Variants in MUC5AC observed in about 807,000 individuals in gnomAD.
MUC5AC encodes the protein mucin 5AC, oligomeric mucus/gel-forming.
In MUC5AC, 158 loss-of-function variants were observed where a neutral mutation model predicts 169.7. The observed-to-expected ratio is 0.93, with a 90% confidence interval of 0.82 to 1.06. MUC5AC has a LOEUF of 1.06. MUC5AC is among the 50% of genes least tolerant of loss of function. The probability of loss-of-function intolerance (pLI) is 0.00; values close to 1 mark genes in which losing one functional copy is unlikely to be tolerated. For synonymous variants in MUC5AC, 1,975 were observed against 1,237.0 expected (o/e 1.60, Z -12.52); for missense variants, 4,359 against 3,089.9 (o/e 1.41, Z -9.74).
At chr11:1,177,671 G>C (rs1372049680) in intron 24 of MUC5AC, 38 bp downstream of exon 24, 3 of 398,338 alleles carry the variant, frequency 7.5e-6, no homozygotes, top group African/African-American at 6.2e-5. Context: ...GGGCCGGCTG[G>C]AAACCTGGAG....
chr11:1,191,941 C>G lies in MUC5AC; in HGVS notation c.13796C>G (p.Thr4599Ser). 1.3e-6 allele frequency: 1 copy of G among 765,286 alleles called. No individual in the cohort carries two copies. Among genetic ancestry groups the G allele is most frequent in the Non-Finnish European group, 2.4e-6 (1 of 417,916 alleles). 47.4% of individuals were successfully genotyped at this position (765,286 alleles called of 1,614,324 possible). A position where few individuals can be genotyped will look rare whatever the true frequency, so the allele number is the denominator to read the frequency against. The change falls in exon 31 of 49, where the codon ACC becomes AGC. Residue 4599 changes from threonine (T) to serine (S), a missense_variant. Coordinates refer to ENST00000621226, the MANE Select transcript of MUC5AC (RefSeq NM_001304359.2). ...ACTACTCCCAGCCCCGTTCCCACCACCAGCACAACCCCTGTTTCAAAGACC... is the reference window on the plus strand; with the variant it reads ...ACTACTCCCAGCCCCGTTCCCACCAGCAGCACAACCCCTGTTTCAAAGACC... ...PGTTPSPVPT[T>S]STTPVSKTST...
Position 1,194,579 on chromosome 11 carries a change from G to A in MUC5AC, c.15099G>A (p.Pro5033=), listed in dbSNP as rs376547461. Reference sequence around the variant, plus strand: ...GCGTCAAGATGTACGCGACCATCCCGGAGCTGGGAGTCCAGGTCATGTTCT... The same window carrying A: ...GCGTCAAGATGTACGCGACCATCCCAGAGCTGGGAGTCCAGGTCATGTTCT... ...RIGVKMYATI[P]ELGVQVMFSG... is the part of the protein sequence containing the mutation. Residue 5033 remains proline (P), a synonymous_variant, in exon 35 of 49, where the codon CCG becomes CCA. Coordinates refer to ENST00000621226, the MANE Select transcript of MUC5AC (RefSeq NM_001304359.2). 3.9e-5 allele frequency: 30 copies of A among 764,402 alleles called. No homozygotes were observed. The highest frequency in any genetic ancestry group is 4.5e-4 in the Middle Eastern group (2 of 4,462). The allele number at this position is 764,402 out of a possible 1,614,324, so 47.4% of individuals were successfully genotyped here. A position where few individuals can be genotyped will look rare whatever the true frequency, so the allele number is the denominator to read the frequency against.
rs1360217627 is a variant in MUC5AC, at chr11:1,164,417, C to T, written c.1014C>T (p.Cys338=). The part of the protein sequence containing the change: ...WRGPDFCPQK[C]PNNMQYHECR... ...CTCTGCCTCCCGCAGCCCAGAAGTG[C>T]CCCAACAACATGCAGTACCACGAGT... Residue 338 remains cysteine, a synonymous_variant, in exon 9 of 49, where the codon TGC becomes TGT. Transcript: ENST00000621226. 1.9e-6 allele frequency: 3 copies of T among 1,612,186 alleles called. No individual in the cohort carries two copies. The highest frequency in any genetic ancestry group is 1.7e-5 in the Admixed American group (1 of 59,950).
Position 1,190,591 on chromosome 11 carries a change from C to G in MUC5AC, c.12446C>G (p.Pro4149Arg). Residue 4149 changes from proline to arginine, a missense_variant, in exon 31 of 49, where the codon CCT becomes CGT. Transcript: ENST00000621226. Reference protein sequence around the residue: ...SAPTHRTTSGPTTSTTLAPTT... With the variant: ...SAPTHRTTSGRTTSTTLAPTT... ...CCTACACACAGAACGACTTCTGGTC[C>G]TACAACCAGCACAACCTTGGCTCCT... The G allele has an allele frequency of 1.4e-6, 1 of 694,492 alleles. No individual in the cohort carries two copies. Among genetic ancestry groups the G allele is most frequent in the Admixed American group, 2.0e-5 (1 of 49,648 alleles). The allele number at this position is 694,492 out of a possible 1,614,324, so 43.0% of individuals were successfully genotyped here. A position where few individuals can be genotyped will look rare whatever the true frequency, so the allele number is the denominator to read the frequency against.
rs747358938 is a variant in MUC5AC, at chr11:1,168,555, G to A, written c.1567+3G>A. 4.3e-6 allele frequency: 7 copies of A among 1,612,584 alleles called. No homozygotes were observed. Among genetic ancestry groups the A allele is most frequent in the Non-Finnish European group, 5.9e-6 (7 of 1,179,794 alleles). ...CACCCAGCTGCCCATCTCTGCAGGT[G>A]AGGGCAGTGGCTTCTTCCCCACCCC... On this transcript the variant is annotated splice_donor_region_variant and intron_variant, in intron 13 of 48. Transcript: ENST00000621226.
At chr11:1,165,808 GC>G in intron 11 of MUC5AC, 48 bp downstream of exon 11, 1 of 1,605,908 alleles carries the variant, frequency 6.2e-7, no homozygotes, top group East Asian at 2.2e-5. Flanking sequence ...GGGGCCCATG[GC>G]CAGCCTCCCA....
chr11:1,186,551 C>A lies in MUC5AC; in HGVS notation c.8406C>A (p.Thr2802=). The A allele has an allele frequency of 1.4e-6, 1 of 701,812 alleles. No individual in the cohort carries two copies. The highest frequency in any genetic ancestry group is 2.6e-6 in the Non-Finnish European group (1 of 384,444). 43.5% of individuals were successfully genotyped at this position (701,812 alleles called of 1,614,324 possible). Residue 2802 remains threonine, a synonymous_variant, in exon 31 of 49, where the codon ACC becomes ACA. Coordinates refer to ENST00000621226, the MANE Select transcript of MUC5AC (RefSeq NM_001304359.2). ...PTTSTTSTTI[T]STTSAPISST... is the part of the protein sequence containing the mutation. ...CCAGCACAACCTCTACTACTATAAC[C>A]AGCACAACTTCTGCCCCTATAAGCA...
rs1860990954 is a variant in MUC5AC, at chr11:1,187,807, A to C, written c.9662A>C (p.Asp3221Ala). ...KTTHSQPVTR[D>A]CHLRCTWTKW... ...ACCCACTCCCAACCAGTCACCAGAG[A>C]CTGTCATCTCCGGTGCACCTGGACC... Residue 3221 changes from aspartate to alanine, a missense_variant, in exon 31 of 49, where the codon GAC becomes GCC. Coordinates refer to ENST00000621226, the MANE Select transcript of MUC5AC (RefSeq NM_001304359.2). 1.7e-5 allele frequency: 13 copies of C among 764,934 alleles called. No homozygotes were observed. The highest frequency in any genetic ancestry group is 4.5e-4 in the Middle Eastern group (2 of 4,462). 47.4% of individuals were successfully genotyped at this position (764,934 alleles called of 1,614,324 possible). A position where few individuals can be genotyped will look rare whatever the true frequency, so the allele number is the denominator to read the frequency against.
intron 1 of MUC5AC, 101 bp downstream of exon 1, chr11:1,158,173 T>C (rs1318927643): frequency 8.1e-6 from 9 of 1,113,412 alleles, no homozygotes; most frequent in South Asian, 1.4e-5. Flanking sequence ...GCAGGCTGCA[T>C]GTGCCATGAA....
In MUC5AC at chr11:1,192,297, T is replaced by C. The variant is rs759159285; in HGVS notation, c.14152T>C (p.Tyr4718His). Residue 4718 changes from tyrosine (Y) to histidine (H), a missense_variant, in exon 31 of 49, where the codon TAC becomes CAC. Tyr to His is a moderately conservative substitution (Grantham distance 83, BLOSUM62 2). Coordinates refer to ENST00000621226, the MANE Select transcript of MUC5AC (RefSeq NM_001304359.2). ...QQGPFKMCLNYEVRVLCCETP... is the reference protein window; with the variant it reads ...QQGPFKMCLNHEVRVLCCETP... ...GGGACCCTTCAAGATGTGCCTCAAC[T>C]ACGAGGTGCGCGTGCTCTGCTGCGA... is the stretch of plus-strand genomic sequence containing the variant. 1.3e-6 allele frequency: 1 copy of C among 765,086 alleles called. No homozygotes were observed. Among genetic ancestry groups the C allele is most frequent in the Non-Finnish European group, 2.4e-6 (1 of 417,886 alleles). 47.4% of individuals were successfully genotyped at this position (765,086 alleles called of 1,614,324 possible).
At chr11:1,192,587 A>T in intron 31 of MUC5AC, 62 bp downstream of exon 31, 1 of 738,924 alleles carries the variant, frequency 1.4e-6, no homozygotes, top group Non-Finnish European at 2.5e-6. Flanking sequence ...TTTATCCAGG[A>T]ACGCCAAGCT....
Position 1,177,078 on chromosome 11 carries a change from C to T in MUC5AC, c.2793+12C>T, listed in dbSNP as rs1467298431. ...ACACGCTGGTGCAGGTGAGCCGGCG[C>T]GTTTGGGGTCCTCACGGCGGCCCCC... On this transcript the variant is annotated intron_variant, in intron 22 of 48. Coordinates refer to ENST00000621226, the MANE Select transcript of MUC5AC (RefSeq NM_001304359.2). 8 of 398,640 alleles carry T rather than the reference C, an allele frequency of 2.0e-5. No homozygotes were observed. Among genetic ancestry groups the T allele is most frequent in the East Asian group, 1.8e-4 (5 of 28,070 alleles). The allele number at this position is 398,640 out of a possible 1,614,324, so 24.7% of individuals were successfully genotyped here.
intron 45 of MUC5AC, 76 bp from the exon 46 acceptor site, chr11:1,199,295 A>G: frequency 1.5e-6 from 1 of 647,230 alleles, no homozygotes; most frequent in Non-Finnish European, 2.8e-6. Flanking sequence ...ACTCTCTGGA[A>G]GCCCACGGGC....
rs769811076 is a variant in MUC5AC, at chr11:1,195,293, G to A, written c.15458+14G>A. 3 of 756,206 alleles carry A rather than the reference G, an allele frequency of 4.0e-6. No individual in the cohort carries two copies. Among genetic ancestry groups the A allele is most frequent in the African/African-American group, 3.4e-5 (2 of 58,952 alleles). The allele number at this position is 756,206 out of a possible 1,614,324, so 46.8% of individuals were successfully genotyped here. On this transcript the variant is annotated intron_variant, in intron 36 of 48. Transcript: ENST00000621226. ...GATTCTGAGCAAGTGAGACTTGGGTGCAAGGGAGGGAGGGTCAGTGTGGCC... is the reference window on the plus strand; with the variant it reads ...GATTCTGAGCAAGTGAGACTTGGGTACAAGGGAGGGAGGGTCAGTGTGGCC...
rs893741389 is a variant in MUC5AC at position 1,196,911 on chromosome 11, G to T, written c.15861+3G>T. On this transcript the variant is annotated splice_donor_region_variant and intron_variant, in intron 40 of 48. Transcript: ENST00000621226. ...GGCCCCACGGAGAGCCGGTGAAGGT[G>T]AGTGGAAGGCATGGCCCAAGAGGGC... The T allele has an allele frequency of 3.0e-5, 23 of 762,694 alleles. No individual in the cohort carries two copies. Among genetic ancestry groups the T allele is most frequent in the Non-Finnish European group, 5.0e-5 (21 of 416,994 alleles). The allele number at this position is 762,694 out of a possible 1,614,324, so 47.2% of individuals were successfully genotyped here.
intron 1 of MUC5AC, among the ~76,000 whole-genome samples, chr11:1,159,483 AGGCTGTGAGG>A (rs1260248015): frequency 9.3e-6 from 1 of 107,466 alleles, no homozygotes. Flanking sequence ...GGGCTGTACG[AGGCTGTGAGG>A]GGCTGTGCGA....
At position 1,192,199 on chromosome 11, in the gene MUC5AC, A is replaced by G. The variant is rs61867531; in HGVS notation, c.14054A>G (p.Asn4685Ser). Residue 4685 changes from asparagine to serine, a missense_variant, in exon 31 of 49, where the codon AAC becomes AGC. Coordinates refer to ENST00000621226, the MANE Select transcript of MUC5AC (RefSeq NM_001304359.2). ...QCRAESHPEV[N>S]IEHLGQVVQC... The stretch of plus-strand genomic sequence containing the variant: ...CGAGCCGAGAGCCACCCGGAGGTGA[A>G]CATTGAACACCTGGGTCAGGTGGTG... The G allele has an allele frequency of 4.1e-4, 310 of 765,034 alleles. 2 individuals are homozygous for G. Among genetic ancestry groups the G allele is most frequent in the African/African-American group, 4.1e-3 (240 of 59,252 alleles). 47.4% of individuals were successfully genotyped at this position (765,034 alleles called of 1,614,324 possible).
At position 1,161,583 on chromosome 11, in the gene MUC5AC, C is replaced by T. The variant is rs1408279671; in HGVS notation, c.208C>T (p.Arg70Ter). 1.6e-5 allele frequency: 25 copies of T among 1,609,680 alleles called. No homozygotes were observed. Among genetic ancestry groups the T allele is most frequent in the East Asian group, 2.2e-5 (1 of 44,824 alleles). The part of the protein sequence containing the change: ...FPSLRTIPVV[R>*]ASNPAHNGRV... ...ATCTCTGAGGACCATCCCTGTGGTA[C>T]GAGGTGAGTGGAGCCCGGAGGCCTG... The change falls in exon 3 of 49, where the codon CGA becomes TGA. Residue 70 changes from arginine (R) to a stop codon, truncating the protein, a stop_gained. Coordinates refer to ENST00000621226, the MANE Select transcript of MUC5AC (RefSeq NM_001304359.2). LOFTEE classifies it high-confidence loss of function.
Position 1,187,566 on chromosome 11 carries a change from A to G in MUC5AC, c.9421A>G (p.Thr3141Ala). The change falls in exon 31 of 49, where the codon ACT becomes GCT. Residue 3141 changes from threonine to alanine, a missense_variant. Transcript: ENST00000621226. ...AACCTCTCCTCCTACAACCAGCACA[A>G]CTTCTGCCTCTACAGCCAGCAAAAC... The part of the protein sequence containing the change: ...STTSPPTTST[T>A]SASTASKTSG... 1.3e-6 allele frequency: 1 copy of G among 754,402 alleles called. No homozygotes were observed. Among genetic ancestry groups the G allele is most frequent in the East Asian group, 2.5e-5 (1 of 40,790 alleles). The allele number at this position is 754,402 out of a possible 1,614,324, so 46.7% of individuals were successfully genotyped here.
Sources: gnomAD v4.1 joint callset for allele counts (sites outside exome capture counted in the v4.1 genomes callset) on GRCh38, gnomAD v4.1.1 for gene constraint, MANE v1.5 for transcripts, NCBI Gene and HGNC (gene_info 2026-07-23, HGNC 2026-07-21) for gene names.